CDC14B: variants seen among roughly 807,000 people sequenced by gnomAD.
The protein encoded by CDC14B is dual specificity protein phosphatase CDC14B.
In CDC14B, 22 loss-of-function variants were observed where a neutral mutation model predicts 64.2. That is an observed-to-expected ratio of 0.34 (90% CI 0.24 to 0.49). CDC14B has a LOEUF of 0.49. Ranked by LOEUF, CDC14B falls within the 20% of genes least tolerant of loss-of-function variation. CDC14B has a pLI of 0.99. For synonymous variants in CDC14B, 191 were observed against 215.8 expected, an observed-to-expected ratio of 0.89 and a Z score of 1.01; for missense variants, 498 against 629.9, an observed-to-expected ratio of 0.79 and a Z score of 2.24.
intron 5 of CDC14B, among the ~76,000 whole-genome samples, chr9:96,542,837 T>C (rs1236100644): frequency 6.6e-6 from 1 of 151,560 alleles, no homozygotes; most frequent in African/African-American, 2.4e-5. Context: ...GATGAAACCC[T>C]GTCTCTACTA....
chr9:96,564,697 T>TA (rs558552672), intron 3 of CDC14B, 80 bp downstream of exon 3: 15 of 806,804 alleles, frequency 1.9e-5, no homozygotes, highest in Non-Finnish European at 2.7e-5. Flanking sequence ...ATTTCCTTTT[T>TA]AAAAAGAGAT....
chr9:96,551,438 C>T (rs1841825627), intron 5 of CDC14B, among the ~76,000 whole-genome samples: 1 of 152,040 alleles, frequency 6.6e-6, no homozygotes, highest in Non-Finnish European at 1.5e-5. Context: ...TAGTTTTCAT[C>T]AATGGCAGTA....
At chr9:96,536,893 ATTAT>A (rs16911133) in intron 7 of CDC14B, among the ~76,000 whole-genome samples, 3,983 of 152,290 alleles carry the variant, frequency 0.026, 156 homozygotes, top group African/African-American at 0.089. Flanking sequence ...GTAGAATCAA[ATTAT>A]TTATTCTTTT....
At chr9:96,529,489 C>CATTTTTTTTTTTTTTTTTTTTTTT (rs1564255829) in intron 9 of CDC14B, among the ~76,000 whole-genome samples, 1 of 145,156 alleles carries the variant, frequency 6.9e-6, no homozygotes, top group African/African-American at 2.7e-5. Context: ...TTGTACTAAG[C>CATTTTTTTTTTTTTTTTTTTTTTT]CTTTTTTTTT....
Position 96,515,019 on chromosome 9 carries a change from G to T in CDC14B, c.1344-5230C>A. The T allele has an allele frequency of 3.3e-6, 2 of 605,136 alleles. No homozygotes were observed. Among genetic ancestry groups the T allele is most frequent in the Non-Finnish European group, 4.1e-6 (2 of 482,734 alleles). 37.5% of individuals were successfully genotyped at this position (605,136 alleles called of 1,614,324 possible). A position where few individuals can be genotyped will look rare whatever the true frequency, so the allele number is the denominator to read the frequency against. On this transcript the variant is annotated intron_variant, in intron 12 of 13. Coordinates refer to ENST00000375241, the MANE Select transcript of CDC14B (RefSeq NM_033331.4). This position sits in a 1 kb window ranked among gnomAD's most constrained non-coding sequence, Gnocchi z 4.3. ...GCACCAATTTAAACAGGCGACCTCAGCTCCGACCTCCTACTTTCATTTAGC... is the reference window on the plus strand; with the variant it reads ...GCACCAATTTAAACAGGCGACCTCATCTCCGACCTCCTACTTTCATTTAGC...
intron 1 of CDC14B, among the ~76,000 whole-genome samples, chr9:96,603,805 C>T (rs1449785284): frequency 1.3e-5 from 2 of 152,084 alleles, no homozygotes; most frequent in Non-Finnish European, 1.5e-5. Flanking sequence ...GAGAGGAAAG[C>T]ATCCAAAAAG....
intron 13 of CDC14B, 52 bp downstream of exon 13, chr9:96,509,621 A>G: frequency 9.1e-7 from 1 of 1,096,702 alleles, no homozygotes; most frequent in South Asian, 1.3e-5. Context: ...CAAATATTAA[A>G]CTGGAAAACA....
intron 5 of CDC14B, among the ~76,000 whole-genome samples, chr9:96,545,357 C>T (rs1165808923): frequency 3.3e-5 from 5 of 149,520 alleles, no homozygotes; most frequent in Admixed American, 6.7e-5. Context: ...TGACAGTCTC[C>T]CCCTGGAGTG....
At chr9:96,510,150 T>C (rs1186516079) in intron 12 of CDC14B, among the ~76,000 whole-genome samples, 1 of 152,178 alleles carries the variant, frequency 6.6e-6, no homozygotes, top group Non-Finnish European at 1.5e-5. Flanking sequence ...AAGACACCAT[T>C]AAGAGCTCAA....
chr9:96,561,795 C>T (rs1301459294), intron 4 of CDC14B, among the ~76,000 whole-genome samples: 3 of 152,072 alleles, frequency 2.0e-5, no homozygotes, highest in Admixed American at 2.0e-4. Flanking sequence ...CCAAAACAAC[C>T]CTTTTTTTCA....
At chr9:96,504,658 C>G (rs1833882642) in intron 13 of CDC14B, among the ~76,000 whole-genome samples, 1 of 152,154 alleles carries the variant, frequency 6.6e-6, no homozygotes, top group Admixed American at 6.5e-5. Flanking sequence ...TGGAGACAAC[C>G]TTCTGGGACT....
At chr9:96,567,076 C>T (rs941687094) in intron 1 of CDC14B, 1 of 972,972 alleles carries the variant, frequency 1.0e-6, no homozygotes. Context: ...CGCTTTCTTT[C>T]CCCCCGCCTG....
At chr9:96,607,280 C>A (rs1024601913) in intron 1 of CDC14B, among the ~76,000 whole-genome samples, 1 of 151,782 alleles carries the variant, frequency 6.6e-6, no homozygotes. Flanking sequence ...CCTGAAAAGG[C>A]CCCCATGGAT....
intron 1 of CDC14B, among the ~76,000 whole-genome samples, chr9:96,573,546 T>C (rs1158447128): frequency 2.6e-5 from 4 of 152,234 alleles, no homozygotes; most frequent in South Asian, 2.1e-4. Flanking sequence ...ATCATAAAGA[T>C]AGTAATTTCC....
intron 1 of CDC14B, among the ~76,000 whole-genome samples, chr9:96,590,535 A>T (rs1164089256): frequency 6.6e-6 from 1 of 152,104 alleles, no homozygotes; most frequent in Non-Finnish European, 1.5e-5. Flanking sequence ...ATCAATTTTT[A>T]GTTTTCTGAG....
chr9:96,527,697 G>A lies in CDC14B; in HGVS notation c.947-3972C>T, dbSNP rs187765560. On this transcript the variant is annotated intron_variant, in intron 9 of 13. Transcript: ENST00000375241. ...ATGGCGCAATCTCAGCTCACCGCAA[G>A]CTCCACCTCCCGGGTTCACGCCCTT... Among the ~76,000 whole-genome samples, 1,139 of 151,970 alleles carry A rather than the reference G, an allele frequency of 7.5e-3. 9 individuals are homozygous for A. The highest frequency in any genetic ancestry group is 0.012 in the Admixed American group (179 of 15,268).
chr9:96,572,330 G>T (rs534268011), intron 1 of CDC14B, among the ~76,000 whole-genome samples: 1 of 152,316 alleles, frequency 6.6e-6, no homozygotes, highest in South Asian at 2.1e-4. Context: ...AAGTTGCTGA[G>T]GCCCGGACTT....
intron 1 of CDC14B, among the ~76,000 whole-genome samples, chr9:96,593,486 CAAAAA>C (rs1216525397): frequency 1.9e-5 from 1 of 52,582 alleles, no homozygotes; most frequent in Admixed American, 2.1e-4. Context: ...GACTTGGTCT[CAAAAA>C]AAAAAAAAAA....
intron 12 of CDC14B, among the ~76,000 whole-genome samples, chr9:96,516,022 T>A (rs1000327564): frequency 1.3e-5 from 2 of 152,312 alleles, no homozygotes. Context: ...CAGTCACTAG[T>A]GAGATAACTA....
Sources: gnomAD v4.1 joint callset for allele counts (sites outside exome capture counted in the v4.1 genomes callset) on GRCh38, gnomAD v4.1.1 for gene constraint, Gnocchi (gnomAD v3.1) non-coding constraint, MANE v1.5 for transcripts, NCBI Gene and HGNC (gene_info 2026-07-23, HGNC 2026-07-21) for gene names.